ENTREP2: variants seen among roughly 807,000 people sequenced by gnomAD.
ENTREP2 encodes the protein endosomal transmembrane epsin interactor 2.
chr15:29,421,713 T>C, the ENTREP2 span, among the ~76,000 whole-genome samples: 19 of 152,318 alleles, frequency 1.2e-4, no homozygotes, highest in East Asian at 3.7e-3. Context: ...AAACAGCTGA[T>C]CATTTTACAT....
At chr15:29,538,091 T>G in the ENTREP2 span, among the ~76,000 whole-genome samples, 1 of 152,192 alleles carries the variant, frequency 6.6e-6, no homozygotes, top group African/African-American at 2.4e-5. Flanking sequence ...TCCACTAGAA[T>G]GCACGCTGTA....
At chr15:29,598,404 A>G in the ENTREP2 span, among the ~76,000 whole-genome samples, 3 of 152,350 alleles carry the variant, frequency 2.0e-5, no homozygotes, top group East Asian at 3.9e-4. Context: ...CCATTATTTA[A>G]CTGGCTTAAC....
the ENTREP2 span, among the ~76,000 whole-genome samples, chr15:29,498,636 G>C: frequency 6.6e-6 from 1 of 152,008 alleles, no homozygotes; most frequent in African/African-American, 2.4e-5. Context: ...CTGTTGAATA[G>C]AATGTTCTGT....
chr15:29,451,911 T>C, the ENTREP2 span, among the ~76,000 whole-genome samples: 1 of 152,260 alleles, frequency 6.6e-6, no homozygotes, highest in Admixed American at 6.5e-5. Context: ...TAGATATTTA[T>C]TGTATTTTAA....
chr15:29,481,968 C>G, the ENTREP2 span, among the ~76,000 whole-genome samples: 1 of 152,074 alleles, frequency 6.6e-6, no homozygotes, highest in African/African-American at 2.4e-5. Context: ...CAGCTTTCCC[C>G]ATCAGAGTGG....
chr15:29,510,836 T>C, the ENTREP2 span, among the ~76,000 whole-genome samples: 3 of 149,382 alleles, frequency 2.0e-5, no homozygotes, highest in Non-Finnish European at 3.0e-5. Context: ...GTGGCACATA[T>C]ACACCATGGA....
At chr15:29,151,711 G>A in the ENTREP2 span, 2 of 1,524,776 alleles carry the variant, frequency 1.3e-6, no homozygotes, top group African/African-American at 1.4e-5. Context: ...CCGCGCAGAG[G>A]AGGAGGGGAT....
At chr15:29,194,532 G>A in the ENTREP2 span, among the ~76,000 whole-genome samples, 3 of 152,216 alleles carry the variant, frequency 2.0e-5, no homozygotes, top group African/African-American at 4.8e-5. Flanking sequence ...CCATGGGGAT[G>A]TGCCATGCAT....
chr15:29,269,467 C>T, the ENTREP2 span: 1 of 1,613,004 alleles, frequency 6.2e-7, no homozygotes, highest in Non-Finnish European at 8.5e-7. Flanking sequence ...CTTCTGGCTC[C>T]TGGGCCCCAC....
At chr15:29,263,825 G>A in the ENTREP2 span, among the ~76,000 whole-genome samples, 2 of 152,090 alleles carry the variant, frequency 1.3e-5, no homozygotes, top group East Asian at 3.9e-4. Context: ...AGCTCTTTAG[G>A]AAAAGGATTA....
the ENTREP2 span, among the ~76,000 whole-genome samples, chr15:29,550,036 G>A: frequency 6.6e-6 from 1 of 152,292 alleles, no homozygotes; most frequent in East Asian, 1.9e-4. Context: ...TCTGGTGGCT[G>A]TTTCTTACCC....
chr15:29,549,405 G>A, the ENTREP2 span, among the ~76,000 whole-genome samples: 3 of 151,898 alleles, frequency 2.0e-5, no homozygotes, highest in Non-Finnish European at 4.4e-5. Flanking sequence ...GAGTAGCTGG[G>A]ACTACAGGCG....
At chr15:29,423,720 C>T in the ENTREP2 span, among the ~76,000 whole-genome samples, 6 of 152,190 alleles carry the variant, frequency 3.9e-5, no homozygotes, top group Non-Finnish European at 5.9e-5. Context: ...ATGGCGTGAA[C>T]CTGGGAGGCG....
At chr15:29,194,431 G>C in the ENTREP2 span, among the ~76,000 whole-genome samples, 1 of 152,196 alleles carries the variant, frequency 6.6e-6, no homozygotes. Flanking sequence ...TCTCTAAGTA[G>C]GCTTTGTACA....
At chr15:29,283,781 C>G in the ENTREP2 span, among the ~76,000 whole-genome samples, 2 of 152,080 alleles carry the variant, frequency 1.3e-5, no homozygotes, top group Non-Finnish European at 2.9e-5. Context: ...ATTATTAGAG[C>G]ACAAAAAATG....
the ENTREP2 span, among the ~76,000 whole-genome samples, chr15:29,593,204 C>T: frequency 6.6e-6 from 1 of 152,094 alleles, no homozygotes; most frequent in Non-Finnish European, 1.5e-5. Context: ...TGTCATATAA[C>T]TATATGTATA....
the ENTREP2 span, among the ~76,000 whole-genome samples, chr15:29,415,935 A>C: frequency 8.5e-5 from 13 of 152,354 alleles, no homozygotes; most frequent in African/African-American, 2.6e-4. Flanking sequence ...AATCCAACTT[A>C]CAAGGGATGT....
At chr15:29,594,678 G>C in the ENTREP2 span, among the ~76,000 whole-genome samples, 1 of 152,004 alleles carries the variant, frequency 6.6e-6, no homozygotes, top group Admixed American at 6.6e-5. Flanking sequence ...AAACTTTTGT[G>C]GGGGCTGGGC....
chr15:29,551,533 G>C, the ENTREP2 span, among the ~76,000 whole-genome samples: 1 of 152,230 alleles, frequency 6.6e-6, no homozygotes, highest in South Asian at 2.1e-4. Context: ...GGGAGCCTCT[G>C]CTCAAAACTT....
Sources: gnomAD v4.1 joint callset for allele counts (sites outside exome capture counted in the v4.1 genomes callset) on GRCh38, gnomAD v4.1.1 for gene constraint, MANE v1.5 for transcripts, NCBI Gene and HGNC (gene_info 2026-07-23, HGNC 2026-07-21) for gene names.